The following PDPK1 variants were observed in gnomAD, a reference collection of about 807,000 sequenced individuals.
PDPK1 encodes the protein 3-phosphoinositide-dependent protein kinase 1.
In PDPK1, 7 loss-of-function variants were observed where a neutral mutation model predicts 39.8. The observed-to-expected ratio is 0.18, with a 90% CI of 0.10 to 0.33. The LOEUF is 0.33. Among genes scored for constraint, PDPK1 ranks in the 10% least tolerant of loss-of-function variants. The probability of loss-of-function intolerance (pLI) is 1.00; values close to 1 mark genes in which losing one functional copy is unlikely to be tolerated. For missense variants in PDPK1, 182 were observed against 384.7 expected, an observed-to-expected ratio of 0.47 and a Z score of 4.41; for synonymous variants, 118 against 159.1, an observed-to-expected ratio of 0.74 and a Z score of 1.95.
rs1367929715 is a variant in PDPK1, at chr16:2,593,390, G to A, written c.1344-2403G>A. The A allele has an allele frequency of 3.1e-6, 1 of 325,830 alleles. No homozygotes were observed. The highest frequency in any genetic ancestry group is 5.9e-6 in the Non-Finnish European group (1 of 169,056). 20.2% of individuals were successfully genotyped at this position (325,830 alleles called of 1,614,324 possible). On this transcript the variant is annotated intron_variant, in intron 11 of 13. Transcript: ENST00000342085. This position sits in a 1 kb window ranked among gnomAD's most constrained non-coding sequence, Gnocchi z 4.2. ...CTTTCCCGCCCCAGCTGTGGTCCTG[G>A]TGGTTTTTTAGGTGGAGGTGGTTTC...
rs151146592 is a variant in PDPK1, at chr16:2,577,097, C to A, written c.710-328C>A. 1.7e-3 allele frequency: 827 copies of A among 497,396 alleles called. 111 individuals carry two copies. In the African/African-American group the frequency reaches 0.017, roughly 10 times the overall value. 30.8% of individuals were successfully genotyped at this position (497,396 alleles called of 1,614,324 possible). A position where few individuals can be genotyped will look rare whatever the true frequency, so the allele number is the denominator to read the frequency against. On this transcript the variant is annotated intron_variant, in intron 6 of 13. Coordinates refer to ENST00000342085, the MANE Select transcript of PDPK1 (RefSeq NM_002613.5). ...CAACTGTTTATTGTGTGCCTAGGCACGTTTGGATACCCCAGGTCCTGCAGT... is the reference window on the plus strand; with the variant it reads ...CAACTGTTTATTGTGTGCCTAGGCAAGTTTGGATACCCCAGGTCCTGCAGT...
At chr16:2,560,302 C>T (rs1366573776) in intron 2 of PDPK1, among the ~76,000 whole-genome samples, 25 of 152,006 alleles carry the variant, frequency 1.6e-4, no homozygotes, top group African/African-American at 5.8e-4. Context: ...TGTGGAGAAA[C>T]GTGACCTCAC....
In PDPK1 at chr16:2,602,868, A is replaced by G. The variant is rs542840852; in HGVS notation, c.*5101A>G. The G allele has an allele frequency of 1.9e-4, 44 of 233,354 alleles. No homozygotes were observed. Among genetic ancestry groups the G allele is most frequent in the Admixed American group, 7.9e-4 (14 of 17,774 alleles). 14.5% of individuals were successfully genotyped at this position (233,354 alleles called of 1,614,324 possible). On this transcript the variant is annotated 3_prime_UTR_variant, in exon 14 of 14. Transcript: ENST00000342085. The stretch of plus-strand genomic sequence containing the variant: ...TCTTATATAAGGTTATTTGCTGGCT[A>G]TTGTTGGCCTCTAGTTCAGTCTGTG...
intron 1 of PDPK1, chr16:2,539,544 T>C (rs1334127767): frequency 2.6e-5 from 4 of 152,222 alleles, no homozygotes; most frequent in African/African-American, 9.7e-5. Context: ...TTGAACTTTC[T>C]GCAGCTCACT....
chr16:2,597,312 A>G lies in PDPK1; in HGVS notation c.1554+37A>G. ...CCCAGGGATTTCTGTGTGCAGGGTA[A>G]TGGGAGGGCTTTGCACCACGTGGGA... is the stretch of plus-strand genomic sequence containing the variant. On this transcript the variant is annotated intron_variant, in intron 13 of 13. Coordinates refer to ENST00000342085, the MANE Select transcript of PDPK1 (RefSeq NM_002613.5). This position sits in a 1 kb window ranked among gnomAD's most constrained non-coding sequence, Gnocchi z 6.3. The G allele has an allele frequency of 1.3e-6, 2 of 1,538,574 alleles. No individual in the cohort carries two copies. The highest frequency in any genetic ancestry group is 1.8e-6 in the Non-Finnish European group (2 of 1,129,182).
At position 2,538,407 on chromosome 16, in the gene PDPK1, C is replaced by T. The variant is rs936745297; in HGVS notation, c.24+271C>T. On this transcript the variant is annotated intron_variant, in intron 1 of 13. Coordinates refer to ENST00000342085, the MANE Select transcript of PDPK1 (RefSeq NM_002613.5). ...GCGGGGGAGGCCGGGAGGTGTCACC[C>T]GGCCCAGCGGGGTGGAAGTGCCTGG... The T allele has an allele frequency of 1.3e-5, 5 of 380,134 alleles. 1 individual carries two copies. The highest frequency in any genetic ancestry group is 3.9e-5 in the South Asian group (2 of 50,796). 23.5% of individuals were successfully genotyped at this position (380,134 alleles called of 1,614,324 possible). A position where few individuals can be genotyped will look rare whatever the true frequency, so the allele number is the denominator to read the frequency against.
rs563611183 is a variant in PDPK1 at position 2,598,131 on chromosome 16, G to A, written c.*364G>A. The A allele has an allele frequency of 1.0e-5, 3 of 287,226 alleles. No homozygotes were observed. The highest frequency in any genetic ancestry group is 7.7e-5 in the South Asian group (1 of 13,048). 17.8% of individuals were successfully genotyped at this position (287,226 alleles called of 1,614,324 possible). A position where few individuals can be genotyped will look rare whatever the true frequency, so the allele number is the denominator to read the frequency against. ...TTCCTAGCATCAGTCCGAACCATGC[G>A]CCCGCCCTGCCCCAACTGTGTGCTG... is the stretch of plus-strand genomic sequence containing the variant. On this transcript the variant is annotated 3_prime_UTR_variant, in exon 14 of 14. Coordinates refer to ENST00000342085, the MANE Select transcript of PDPK1 (RefSeq NM_002613.5).
chr16:2,596,834 C>T (rs968288830), intron 12 of PDPK1, among the ~76,000 whole-genome samples: 12 of 152,110 alleles, frequency 7.9e-5, no homozygotes, highest in Non-Finnish European at 1.6e-4. Flanking sequence ...GGCCGGCTAC[C>T]GAGAGCAGGC....
rs765929448 is a variant in PDPK1 at position 2,546,272 on chromosome 16, C to T, written c.24+8136C>T. Among the ~76,000 whole-genome samples, 10 of 150,430 alleles carry T rather than the reference C, an allele frequency of 6.6e-5. 1 individual carries two copies. The highest frequency in any genetic ancestry group is 4.7e-4 in the Admixed American group (7 of 15,026). On this transcript the variant is annotated intron_variant, in intron 1 of 13. Coordinates refer to ENST00000342085, the MANE Select transcript of PDPK1 (RefSeq NM_002613.5). ...CTAATTTTTGTGTTTTTAGTAGAGA[C>T]GGGGTTTCACCATCTTGGTTAGGCT...
intron 1 of PDPK1, among the ~76,000 whole-genome samples, chr16:2,540,322 A>G (rs533172067): frequency 6.6e-6 from 1 of 152,220 alleles, no homozygotes. Context: ...AGAGGCAGTG[A>G]GTACCATTTC....
chr16:2,540,574 G>A (rs1232921829), intron 1 of PDPK1, among the ~76,000 whole-genome samples: 1 of 152,190 alleles, frequency 6.6e-6, no homozygotes, highest in Non-Finnish European at 1.5e-5. Flanking sequence ...TGCCCAGGAT[G>A]TCTTCCCAGG....
At chr16:2,541,296 C>T (rs2066240507) in intron 1 of PDPK1, among the ~76,000 whole-genome samples, 1 of 152,136 alleles carries the variant, frequency 6.6e-6, no homozygotes, top group Non-Finnish European at 1.5e-5. Context: ...ATGCACTCAT[C>T]CCCTGAGCCG....
intron 1 of PDPK1, among the ~76,000 whole-genome samples, chr16:2,543,868 C>A (rs1371682236): frequency 6.6e-6 from 1 of 151,104 alleles, no homozygotes; most frequent in African/African-American, 2.4e-5. Context: ...ATTACAGGCA[C>A]GTGCCACCGC....
intron 10 of PDPK1, 94 bp from the exon 11 acceptor site, chr16:2,586,582 C>G (rs1376477554): frequency 9.0e-7 from 1 of 1,108,436 alleles, no homozygotes; most frequent in Non-Finnish European, 1.3e-6. Context: ...TGCGAGCTCC[C>G]AAGGCCTGAC....
chr16:2,592,467 A>T (rs561228193), intron 11 of PDPK1: 1 of 301,926 alleles, frequency 3.3e-6, no homozygotes, highest in South Asian at 2.7e-5. Flanking sequence ...GTAGAAAATC[A>T]AGGTGATTGC....
Position 2,597,534 on chromosome 16 carries a change from C to G in PDPK1, c.1555-117C>G. 2 of 791,112 alleles carry G rather than the reference C, an allele frequency of 2.5e-6. No individual in the cohort carries two copies. The highest frequency in any genetic ancestry group is 1.5e-5 in the South Asian group (1 of 66,690). 49.0% of individuals were successfully genotyped at this position (791,112 alleles called of 1,614,324 possible). A position where few individuals can be genotyped will look rare whatever the true frequency, so the allele number is the denominator to read the frequency against. On this transcript the variant is annotated intron_variant, in intron 13 of 13. Transcript: ENST00000342085. The surrounding 1 kb of genome is among the most constrained non-coding windows in gnomAD (Gnocchi z 6.3). ...GTTGCTTACTGCTTGTGTGAATAAC[C>G]GTCACACCCACGTGCTTTCAGGACT...
Position 2,538,129 on chromosome 16 carries a change from G to C in PDPK1, c.17G>C (p.Ser6Thr). Reference protein sequence around the residue: MARTTSQLYDAVPIQS... With the variant: MARTTTQLYDAVPIQS... ...GCGGGGCCCATGGCCAGGACCACCA[G>C]CCAGCTGGTGAGCGCGCGGCGGCGG... Residue 6 changes from serine (S) to threonine (T), a missense_variant, in exon 1 of 14, where the codon AGC (serine) becomes ACC (threonine). Around this residue, in one of 5 missense-constraint regions of PDPK1, gnomAD observed 14 missense variants for 16.3 expected, o/e 0.86. Transcript: ENST00000342085. The C allele has an allele frequency of 1.9e-6, 2 of 1,065,232 alleles. No individual in the cohort carries two copies. Among genetic ancestry groups the C allele is most frequent in the Non-Finnish European group, 2.3e-6 (2 of 881,100 alleles). 66.0% of individuals were successfully genotyped at this position (1,065,232 alleles called of 1,614,324 possible). A position where few individuals can be genotyped will look rare whatever the true frequency, so the allele number is the denominator to read the frequency against.
At chr16:2,541,233 A>G (rs945934842) in intron 1 of PDPK1, among the ~76,000 whole-genome samples, 3 of 152,176 alleles carry the variant, frequency 2.0e-5, no homozygotes, top group Admixed American at 6.5e-5. Context: ...GGCCCTCTAG[A>G]CTGCCTTCAG....
Position 2,597,803 on chromosome 16 carries a change from A to G in PDPK1, c.*36A>G. ...GGCCGGGCTGCCCTTCGCTGCCAGG[A>G]CACCTGCCCCAGCGCGGCTTGGCCG... On this transcript the variant is annotated 3_prime_UTR_variant, in exon 14 of 14. Coordinates refer to ENST00000342085, the MANE Select transcript of PDPK1 (RefSeq NM_002613.5). The surrounding 1 kb of genome is among the most constrained non-coding windows in gnomAD (Gnocchi z 6.3). 1.4e-6 allele frequency: 2 copies of G among 1,437,828 alleles called. No individual in the cohort carries two copies. The highest frequency in any genetic ancestry group is 2.3e-5 in the East Asian group (1 of 43,924). The allele number at this position is 1,437,828 out of a possible 1,614,324, so 89.1% of individuals were successfully genotyped here.
Sources: allele counts gnomAD v4.1 joint callset (sites outside exome capture counted in the v4.1 genomes callset), GRCh38; gene constraint gnomAD v4.1.1; regional missense constraint gnomAD v4.1.1; non-coding constraint Gnocchi (gnomAD v3.1); transcripts MANE v1.5; gene names NCBI Gene and HGNC (gene_info 2026-07-23, HGNC 2026-07-21).